The following PMP22 variants were observed in gnomAD, a reference collection of about 807,000 sequenced individuals.
PMP22 encodes the protein peripheral myelin protein 22, also known as Charcot-Marie-Tooth neuropathy 1A (greatly reduced nerve conduction velocity, hereditary motor sensory neuropathy Ia).
A neutral mutation model predicts 18.9 loss-of-function variants in PMP22; 2 were observed. That is an observed-to-expected ratio of 0.11 (90% CI 0.04 to 0.33). The LOEUF is 0.33. Ranked by LOEUF, PMP22 falls within the 10% of genes least tolerant of loss-of-function variation. The probability of loss-of-function intolerance (pLI) is 1.00; values close to 1 mark genes in which losing one functional copy is unlikely to be tolerated. For missense variants in PMP22, 169 were observed against 202.2 expected, an observed-to-expected ratio of 0.84 and a Z score of 1.00; for synonymous variants, 95 against 89.2, an observed-to-expected ratio of 1.07 and a Z score of -0.37.
Position 15,231,150 on chromosome 17 carries a change from G to A in PMP22, c.320-70C>T, listed in dbSNP as rs186225120. ...AGAGCGGCCCCCTCTCCGCCACCCC[G>A]GATGCTGACAATTGCTGGGTAGGAA... is the stretch of plus-strand genomic sequence containing the variant. On this transcript the variant is annotated intron_variant, in intron 4 of 4. Transcript: ENST00000312280. 3.2e-4 allele frequency: 466 copies of A among 1,465,880 alleles called. 5 individuals are homozygous for A. In the African/African-American group the frequency reaches 5.0e-3, roughly 16 times the overall value. 90.8% of individuals were successfully genotyped at this position (1,465,880 alleles called of 1,614,324 possible). A position where few individuals can be genotyped will look rare whatever the true frequency, so the allele number is the denominator to read the frequency against.
At chr17:15,252,400 TGC>T (rs1908436410) in intron 3 of PMP22, among the ~76,000 whole-genome samples, 2 of 16,902 alleles carry the variant, frequency 1.2e-4, no homozygotes, top group Non-Finnish European at 2.5e-4. Flanking sequence ...TTGCTGTTGC[TGC>T]TGCTGCTGCT....
Position 15,264,134 on chromosome 17 carries a change from A to G in PMP22, c.-35+1020T>C, listed in dbSNP as rs138810832. Among the ~76,000 whole-genome samples, 586 of 152,284 alleles carry G rather than the reference A, an allele frequency of 3.8e-3. 6 individuals are homozygous for G. The highest frequency in any genetic ancestry group is 0.013 in the African/African-American group (552 of 41,556). ...TGCCCAAATTGCCACCACTATTATTATATCACATTTAACTCTCACATCAAC... is the reference window on the plus strand; with the variant it reads ...TGCCCAAATTGCCACCACTATTATTGTATCACATTTAACTCTCACATCAAC... On this transcript the variant is annotated intron_variant, in intron 1 of 4. Transcript: ENST00000312280.
chr17:15,264,751 C>T (rs1362175882), intron 1 of PMP22, among the ~76,000 whole-genome samples: 1 of 152,174 alleles, frequency 6.6e-6, no homozygotes, highest in South Asian at 2.1e-4. Context: ...CTACTCAGTG[C>T]CTGCTGACCA....
intron 3 of PMP22, among the ~76,000 whole-genome samples, chr17:15,244,582 C>G (rs548588348): frequency 6.6e-6 from 1 of 152,174 alleles, no homozygotes; most frequent in South Asian, 2.1e-4. Context: ...GGTATATCCT[C>G]ACAATGAAAT....
intron 3 of PMP22, among the ~76,000 whole-genome samples, chr17:15,241,624 A>C (rs957555256): frequency 3.9e-5 from 6 of 152,198 alleles, no homozygotes; most frequent in African/African-American, 1.4e-4. Context: ...AAATCTTTAT[A>C]TGTTAAATCT....
chr17:15,252,456 G>GT, intron 3 of PMP22, among the ~76,000 whole-genome samples: 1 of 152,232 alleles, frequency 6.6e-6, no homozygotes, highest in South Asian at 2.1e-4. Flanking sequence ...AAGAAGAGTA[G>GT]TAAGTGGTCA....
chr17:15,230,829 C>G lies in PMP22; in HGVS notation c.*88G>C. ...TTTGGTTTGAGTTTGGGATTTTGGG[C>G]TAGCTCTTTTTTCTTTGTCTGCTTT... On this transcript the variant is annotated 3_prime_UTR_variant, in exon 5 of 5. Transcript: ENST00000312280. 2 of 1,466,432 alleles carry G rather than the reference C, an allele frequency of 1.4e-6. No homozygotes were observed. The highest frequency in any genetic ancestry group is 1.9e-6 in the Non-Finnish European group (2 of 1,053,040). The allele number at this position is 1,466,432 out of a possible 1,614,324, so 90.8% of individuals were successfully genotyped here. A position where few individuals can be genotyped will look rare whatever the true frequency, so the allele number is the denominator to read the frequency against.
chr17:15,252,922 A>T (rs1908487465), intron 3 of PMP22, among the ~76,000 whole-genome samples: 1 of 152,200 alleles, frequency 6.6e-6, no homozygotes, highest in East Asian at 1.9e-4. Flanking sequence ...TAATTCCAGT[A>T]TTCTGACCCA....
chr17:15,248,401 C>T (rs1908017122), intron 3 of PMP22, among the ~76,000 whole-genome samples: 1 of 152,218 alleles, frequency 6.6e-6, no homozygotes, highest in Admixed American at 6.5e-5. Flanking sequence ...GGTATTCCAG[C>T]TAACTTTGAT....
chr17:15,238,891 T>C (rs1483151565), intron 4 of PMP22, among the ~76,000 whole-genome samples: 1 of 152,204 alleles, frequency 6.6e-6, no homozygotes, highest in African/African-American at 2.4e-5. Flanking sequence ...AATGACAATA[T>C]GTGACACAAG....
intron 4 of PMP22, among the ~76,000 whole-genome samples, chr17:15,235,017 G>A (rs894736069): frequency 3.9e-5 from 6 of 151,986 alleles, no homozygotes; most frequent in African/African-American, 1.4e-4. Context: ...ATGGCATCTC[G>A]CTTTGTTGCC....
intron 3 of PMP22, among the ~76,000 whole-genome samples, chr17:15,249,728 G>C (rs1460437552): frequency 1.3e-5 from 2 of 152,178 alleles, no homozygotes; most frequent in South Asian, 4.1e-4. Context: ...ATCGTCAACT[G>C]TTTGAAGAGT....
At chr17:15,247,587 T>C (rs2150689703) in intron 3 of PMP22, among the ~76,000 whole-genome samples, 1 of 152,252 alleles carries the variant, frequency 6.6e-6, no homozygotes, top group East Asian at 1.9e-4. Context: ...ATGAAGGAAA[T>C]ACATCAGCCC....
At chr17:15,245,882 G>T (rs1474224944) in intron 3 of PMP22, among the ~76,000 whole-genome samples, 1 of 151,978 alleles carries the variant, frequency 6.6e-6, no homozygotes, top group African/African-American at 2.4e-5. Flanking sequence ...GCGTGGTGGC[G>T]GGCGCCTGTA....
intron 4 of PMP22, among the ~76,000 whole-genome samples, chr17:15,231,652 A>G (rs1943373582): frequency 6.6e-6 from 1 of 152,182 alleles, no homozygotes; most frequent in Admixed American, 6.5e-5. Flanking sequence ...CCAAACAGAC[A>G]AAGAAATGTG....
At chr17:15,231,784 A>G (rs757125215) in intron 4 of PMP22, among the ~76,000 whole-genome samples, 1 of 152,326 alleles carries the variant, frequency 6.6e-6, no homozygotes, top group East Asian at 1.9e-4. Context: ...CCAAGGTTGC[A>G]TTTGAAGCCC....
At chr17:15,252,719 G>C (rs1052348759) in intron 3 of PMP22, among the ~76,000 whole-genome samples, 1 of 152,212 alleles carries the variant, frequency 6.6e-6, no homozygotes, top group Admixed American at 6.5e-5. Flanking sequence ...GCATGAAAAA[G>C]TTTATCAACT....
rs373690370 is a variant in PMP22, at chr17:15,230,914, G to A, written c.*3C>T. The A allele has an allele frequency of 1.1e-4, 180 of 1,613,590 alleles. No homozygotes were observed. Among genetic ancestry groups the A allele is most frequent in the South Asian group, 2.4e-4 (22 of 91,082 alleles). ...AGAGCCTCAGACAGACCGTCTGGGC[G>A]CCTCATTCGCGTTTCCGCAAGATCA... On this transcript the variant is annotated 3_prime_UTR_variant, in exon 5 of 5. Coordinates refer to ENST00000312280, the MANE Select transcript of PMP22 (RefSeq NM_000304.4).
intron 3 of PMP22, among the ~76,000 whole-genome samples, chr17:15,251,020 C>T (rs544456344): frequency 6.6e-6 from 1 of 152,288 alleles, no homozygotes; most frequent in Admixed American, 6.5e-5. Context: ...TCAATGATGT[C>T]CCAACTGTCC....
Sources: gnomAD v4.1 joint callset for allele counts (sites outside exome capture counted in the v4.1 genomes callset) on GRCh38, gnomAD v4.1.1 for gene constraint, MANE v1.5 for transcripts, NCBI Gene and HGNC (gene_info 2026-07-23, HGNC 2026-07-21) for gene names.